TYRO3: variants seen among roughly 807,000 people sequenced by gnomAD.
TYRO3 encodes TYRO3 protein tyrosine kinase.
In TYRO3, 38 loss-of-function variants were observed where a neutral mutation model predicts 95.2. The observed-to-expected ratio is 0.40, with a 90% CI of 0.31 to 0.52. The LOEUF is 0.52. Ranked by LOEUF, TYRO3 falls within the 20% of genes least tolerant of loss-of-function variation. TYRO3 has a pLI of 0.56. For synonymous variants in TYRO3, 367 were observed against 432.9 expected (o/e 0.85, Z 1.89); for missense variants, 812 against 1,116.4 (o/e 0.73, Z 3.89).
intron 9 of TYRO3, among the ~76,000 whole-genome samples, chr15:41,569,395 G>A (rs1385946706): frequency 6.6e-6 from 1 of 152,074 alleles, no homozygotes; most frequent in Non-Finnish European, 1.5e-5. Flanking sequence ...CTTGAGCCCA[G>A]GTGTTTGAGG....
Position 41,580,519 on chromosome 15 carries a change from A to T in TYRO3, c.*2243A>T, listed in dbSNP as rs1045849211. ...TCTCAAAAATAAAATAAAAATAAAA[A>T]TGCAAAAAATAATAAAAGGTGCCAG... On this transcript the variant is annotated 3_prime_UTR_variant, in exon 19 of 19. Transcript: ENST00000263798. The T allele has an allele frequency of 6.6e-6, 1 of 152,084 alleles. No individual in the cohort carries two copies. Among genetic ancestry groups the T allele is most frequent in the Non-Finnish European group, 1.5e-5 (1 of 68,024 alleles). The allele number at this position is 152,084 out of a possible 1,614,324, so 9.4% of individuals were successfully genotyped here.
intron 18 of TYRO3, among the ~76,000 whole-genome samples, chr15:41,576,961 G>A (rs2055868663): frequency 6.6e-6 from 1 of 151,948 alleles, no homozygotes; most frequent in Non-Finnish European, 1.5e-5. Flanking sequence ...ACTGTGTCCG[G>A]CTGCACGGTG....
At chr15:41,560,981 C>T (rs2055645059) in intron 1 of TYRO3, 146 bp from the exon 2 acceptor site, 40 of 982,872 alleles carry the variant, frequency 4.1e-5, no homozygotes, top group Admixed American at 2.1e-5. Flanking sequence ...CCTTCCCTTC[C>T]ACACTGTCCT....
intron 7 of TYRO3, 115 bp from the exon 8 acceptor site, chr15:41,568,102 C>A: frequency 7.1e-7 from 1 of 1,407,534 alleles, no homozygotes; most frequent in Non-Finnish European, 9.8e-7. Context: ...GAACCCTTCC[C>A]CAGTTTGTGC....
chr15:41,559,607 G>A (rs981383197), intron 1 of TYRO3, among the ~76,000 whole-genome samples: 4 of 152,246 alleles, frequency 2.6e-5, no homozygotes, highest in Admixed American at 6.5e-5. Context: ...CTGGCGGGGT[G>A]GAAGAGAAGG....
At chr15:41,571,237 C>A in intron 13 of TYRO3, 119 bp downstream of exon 13, 1 of 888,234 alleles carries the variant, frequency 1.1e-6, no homozygotes, top group South Asian at 1.5e-5. Context: ...GCAGCACTAA[C>A]TGGGATGCTC....
rs2055920123 is a variant in TYRO3, at chr15:41,581,261, C to T, written c.*2985C>T. 1 of 153,856 alleles carries T rather than the reference C, an allele frequency of 6.5e-6. No individual in the cohort carries two copies. Among genetic ancestry groups the T allele is most frequent in the African/African-American group, 2.4e-5 (1 of 41,438 alleles). 9.5% of individuals were successfully genotyped at this position (153,856 alleles called of 1,614,324 possible). A position where few individuals can be genotyped will look rare whatever the true frequency, so the allele number is the denominator to read the frequency against. ...GATGCAGCAGGAGGCGCAGGAACCA[C>T]ACATGTGCTAGTGAGGAGTGTGGGG... On this transcript the variant is annotated 3_prime_UTR_variant, in exon 19 of 19. Transcript: ENST00000263798.
intron 1 of TYRO3, 30 bp downstream of exon 1, chr15:41,559,411 G>T (rs909534546): frequency 2.9e-6 from 1 of 345,686 alleles, no homozygotes; most frequent in Non-Finnish European, 5.2e-6. Flanking sequence ...GCGGCGGGAA[G>T]CGGGGGGCTG....
In TYRO3 at chr15:41,569,028, G is replaced by C. The variant is rs368881262; in HGVS notation, c.1252+6G>C. 34 of 1,452,454 alleles carry C rather than the reference G, an allele frequency of 2.3e-5. No homozygotes were observed. The African/African-American group carries it at 4.3e-4, about 18-fold the overall frequency. 90.0% of individuals were successfully genotyped at this position (1,452,454 alleles called of 1,614,324 possible). Reference sequence around the variant, plus strand: ...CTCTTCTCATGACCGTGCAGGTGAGGCTTGTAGGTGGAGAGGGGCAGAGGC... The same window carrying C: ...CTCTTCTCATGACCGTGCAGGTGAGCCTTGTAGGTGGAGAGGGGCAGAGGC... On this transcript the variant is annotated splice_donor_region_variant and intron_variant, in intron 9 of 18. Transcript: ENST00000263798.
chr15:41,570,278 C>A lies in TYRO3; in HGVS notation c.1421C>A (p.Ala474Asp), dbSNP rs1264265939. 52 of 1,614,082 alleles carry A rather than the reference C, an allele frequency of 3.2e-5. No homozygotes were observed. The highest frequency in any genetic ancestry group is 4.4e-5 in the Non-Finnish European group (52 of 1,180,052). ...FDSVMARGEPAVHFRAARSFN... is the reference protein window; with the variant it reads ...FDSVMARGEPDVHFRAARSFN... ...AGTGTCATGGCCCGGGGAGAGCCAG[C>A]CGTTCACTTCCGGGCAGCCCGGTCC... Residue 474 changes from alanine to aspartate, a missense_variant, in exon 11 of 19, where the codon GCC (alanine) becomes GAC (aspartate). By Grantham distance (126) the Ala-to-Asp change is moderately radical (BLOSUM62 -2). Transcript: ENST00000263798.
Position 41,560,453 on chromosome 15 carries a change from G to A in TYRO3, c.125-674G>A, listed in dbSNP as rs536355980. ...TGCGCGCGCGCGCGCGCGCTCGCACGCAAGTTCCAAAGAGTGGCCCCTGTT... is the reference window on the plus strand; with the variant it reads ...TGCGCGCGCGCGCGCGCGCTCGCACACAAGTTCCAAAGAGTGGCCCCTGTT... On this transcript the variant is annotated intron_variant, in intron 1 of 18. Transcript: ENST00000263798. 1.9e-3 allele frequency among the ~76,000 whole-genome samples: 290 copies of A among 150,650 alleles called. 2 individuals carry two copies. The highest frequency in any genetic ancestry group is 2.4e-3 in the Non-Finnish European group (163 of 67,620).
chr15:41,561,940 G>A (rs2055663098), intron 3 of TYRO3: 1 of 281,364 alleles, frequency 3.6e-6, no homozygotes, highest in Non-Finnish European at 6.8e-6. Flanking sequence ...AAGTGGCCTG[G>A]CCAGCAGGGG....
Position 41,571,073 on chromosome 15 carries a change from C to T in TYRO3, c.1615C>T (p.Gln539Ter). Residue 539 changes from glutamine to a stop codon, truncating the protein, a stop_gained, in exon 13 of 19, where the codon CAA becomes TAA. Coordinates refer to ENST00000263798, the MANE Select transcript of TYRO3 (RefSeq NM_006293.4). LOFTEE classifies it high-confidence loss of function. ...FGSVREAQLK[Q>*]EDGSFVKVAV... Reference sequence around the variant, plus strand: ...TTCAGTGCGGGAGGCCCAGCTGAAGCAAGAGGATGGCTCCTTTGTGAAAGT... The same window carrying T: ...TTCAGTGCGGGAGGCCCAGCTGAAGTAAGAGGATGGCTCCTTTGTGAAAGT... The T allele has an allele frequency of 1.2e-6, 2 of 1,614,054 alleles. No individual in the cohort carries two copies. Among genetic ancestry groups the T allele is most frequent in the Non-Finnish European group, 1.7e-6 (2 of 1,180,000 alleles).
intron 18 of TYRO3, among the ~76,000 whole-genome samples, chr15:41,576,683 A>G (rs1263260374): frequency 2.6e-5 from 3 of 114,136 alleles, no homozygotes; most frequent in Non-Finnish European, 5.5e-5. Flanking sequence ...AAAAAAAAAG[A>G]GAAAGGGCCT....
At position 41,578,208 on chromosome 15, in the gene TYRO3, A is replaced by T. The variant is rs753505929; in HGVS notation, c.2605A>T (p.Ser869Cys). The stretch of plus-strand genomic sequence containing the variant: ...AGGGCAGGCAGAGCACCAGCCAGAG[A>T]GTCCCCTCAATGAGACACAGAGGCT... ...QPGQAEHQPE[S>C]PLNETQRLLL... Residue 869 changes from serine (S) to cysteine (C), a missense_variant, in exon 19 of 19, where the codon AGT becomes TGT. Coordinates refer to ENST00000263798, the MANE Select transcript of TYRO3 (RefSeq NM_006293.4). 76 of 1,613,752 alleles carry T rather than the reference A, an allele frequency of 4.7e-5. No individual in the cohort carries two copies. In the Middle Eastern group the frequency reaches 4.9e-4, roughly 10 times the overall value.
rs150653270 is a variant in TYRO3 at position 41,560,428 on chromosome 15, T to TGCGC, written c.125-684_125-681dup. ...GTGTGTGTGTGTGTGTGTGTGTGTG[T>TGCGC]GCGCGCGCGCGCGCGCGCTCGCACG... On this transcript the variant is annotated intron_variant, in intron 1 of 18. Transcript: ENST00000263798. 1.0e-2 allele frequency among the ~76,000 whole-genome samples: 1,351 copies of TGCGC among 135,252 alleles called. 10 individuals are homozygous for TGCGC. The highest frequency in any genetic ancestry group is 0.014 in the Non-Finnish European group (908 of 63,850). 88.7% of individuals were successfully genotyped at this position (135,252 alleles called of 152,430 possible).
chr15:41,577,701 G>T lies in TYRO3; in HGVS notation c.2283-185G>T, dbSNP rs1033196277. On this transcript the variant is annotated intron_variant, in intron 18 of 18. Coordinates refer to ENST00000263798, the MANE Select transcript of TYRO3 (RefSeq NM_006293.4). ...AGGGTTTTGCCATATTGCCCAGGCTGGTCTCGAACTCCTGGGCTCAAATAA... is the reference window on the plus strand; with the variant it reads ...AGGGTTTTGCCATATTGCCCAGGCTTGTCTCGAACTCCTGGGCTCAAATAA... 8.8e-6 allele frequency: 5 copies of T among 570,440 alleles called. No individual in the cohort carries two copies. The African/African-American group carries it at 9.4e-5, about 11-fold the overall frequency. The allele number at this position is 570,440 out of a possible 1,614,324, so 35.3% of individuals were successfully genotyped here.
chr15:41,562,584 C>A lies in TYRO3; in HGVS notation c.446C>A (p.Ala149Glu). The A allele has an allele frequency of 6.2e-7, 1 of 1,613,298 alleles. No individual in the cohort carries two copies. The highest frequency in any genetic ancestry group is 8.5e-7 in the Non-Finnish European group (1 of 1,180,042). ...TTCACAGTGGAGCCAAAAGATCTGG[C>A]AGTGCCACCCAATGCCCCTTTCCAA... Reference protein sequence around the residue: ...PFFTVEPKDLAVPPNAPFQLS... With the variant: ...PFFTVEPKDLEVPPNAPFQLS... The change falls in exon 4 of 19, where the codon GCA becomes GAA. Residue 149 changes from alanine to glutamate, a missense_variant. Ala to Glu is a moderately radical substitution (Grantham distance 107). Coordinates refer to ENST00000263798, the MANE Select transcript of TYRO3 (RefSeq NM_006293.4).
Position 41,559,305 on chromosome 15 carries a change from G to A in TYRO3, c.48G>A (p.Pro16=), listed in dbSNP as rs968476186. 10 of 640,812 alleles carry A rather than the reference G, an allele frequency of 1.6e-5. 3 individuals carry two copies. Among genetic ancestry groups the A allele is most frequent in the Non-Finnish European group, 2.0e-5 (9 of 455,662 alleles). 39.7% of individuals were successfully genotyped at this position (640,812 alleles called of 1,614,324 possible). A position where few individuals can be genotyped will look rare whatever the true frequency, so the allele number is the denominator to read the frequency against. Residue 16 remains proline (P), a synonymous_variant, in exon 1 of 19, where the codon CCG becomes CCA. Coordinates refer to ENST00000263798, the MANE Select transcript of TYRO3 (RefSeq NM_006293.4). ...GGCGGCCGGGGCTCCCGCCGCTGCC[G>A]CTGCCGCCGCCACCGCGGCTCGGGC... ...SMGRPGLPPL[P]LPPPPRLGLL... is the part of the protein sequence containing the mutation.
Sources: allele counts gnomAD v4.1 joint callset (sites outside exome capture counted in the v4.1 genomes callset), GRCh38; gene constraint gnomAD v4.1.1; transcripts MANE v1.5; gene names NCBI Gene and HGNC (gene_info 2026-07-23, HGNC 2026-07-21).